HIVEP1: variants seen among roughly 807,000 people sequenced by gnomAD.
HIVEP1 encodes HIVEP zinc finger 1, also known as zinc finger protein 40.
A neutral mutation model predicts 180.0 loss-of-function variants in HIVEP1; 36 were observed. The observed-to-expected ratio is 0.20, with a 90% CI of 0.15 to 0.26. The LOEUF (loss-of-function observed/expected upper bound fraction) is 0.26. HIVEP1 is among the 10% of genes least tolerant of loss of function. The probability of loss-of-function intolerance (pLI) is 1.00; values close to 1 mark genes in which losing one functional copy is unlikely to be tolerated. For missense variants in HIVEP1, 3,143 were observed against 3,268.7 expected, an observed-to-expected ratio of 0.96 and a Z score of 0.94; for synonymous variants, 1,239 against 1,239.0, an observed-to-expected ratio of 1.00 and a Z score of 0.00.
At position 12,140,926 on chromosome 6, in the gene HIVEP1, C is replaced by T. The variant is rs900113811; in HGVS notation, c.6487+5034C>T. On this transcript the variant is annotated intron_variant, in intron 7 of 8. Coordinates refer to ENST00000379388, the MANE Select transcript of HIVEP1 (RefSeq NM_002114.4). ...CCTGAAAGTGACGGGGAGAATGGAA[C>T]CAAGTTGGAAAACACTCTTAGGGAT... Among the ~76,000 whole-genome samples, 28 of 152,254 alleles carry T rather than the reference C, an allele frequency of 1.8e-4. 1 individual carries two copies. Among genetic ancestry groups the T allele is most frequent in the African/African-American group, 6.3e-4 (26 of 41,542 alleles).
intron 7 of HIVEP1, among the ~76,000 whole-genome samples, chr6:12,137,059 G>A (rs1758745188): frequency 1.3e-5 from 2 of 152,114 alleles, no homozygotes; most frequent in Admixed American, 1.3e-4. Context: ...TTTAATCCCT[G>A]TAACACACGA....
At chr6:12,077,917 G>A (rs932424605) in intron 2 of HIVEP1, among the ~76,000 whole-genome samples, 2 of 152,120 alleles carry the variant, frequency 1.3e-5, no homozygotes, top group Middle Eastern at 3.2e-3. Flanking sequence ...GTTTGTATCT[G>A]TAGTAATTTG....
chr6:12,165,492 C>T (rs929932034), downstream of HIVEP1, among the ~76,000 whole-genome samples: 15 of 152,096 alleles, frequency 9.9e-5, no homozygotes, highest in Admixed American at 9.8e-4. Context: ...CCAAGATTAC[C>T]GAAGAGCCAA....
At chr6:12,160,860 A>G (rs979039504) in intron 7 of HIVEP1, among the ~76,000 whole-genome samples, 2 of 152,226 alleles carry the variant, frequency 1.3e-5, no homozygotes, top group Non-Finnish European at 2.9e-5. Flanking sequence ...TTGCTGTCTC[A>G]TCTTAATGCC....
At chr6:12,074,650 G>A (rs1012167223) in intron 2 of HIVEP1, among the ~76,000 whole-genome samples, 3 of 151,686 alleles carry the variant, frequency 2.0e-5, no homozygotes, top group African/African-American at 4.8e-5. Context: ...GTGTGCGCGC[G>A]CGTGCATGTC....
intron 6 of HIVEP1, among the ~76,000 whole-genome samples, chr6:12,131,633 ACTT>A (rs1758422095): frequency 6.6e-6 from 1 of 151,876 alleles, no homozygotes; most frequent in Admixed American, 6.6e-5. Flanking sequence ...TAGGTATACT[ACTT>A]TAAATGTTTG....
chr6:12,040,715 G>A (rs1180037603), intron 2 of HIVEP1, among the ~76,000 whole-genome samples: 1 of 152,190 alleles, frequency 6.6e-6, no homozygotes, highest in African/African-American at 2.4e-5. Context: ...CTGAGACTGA[G>A]TAATTTCTAA....
chr6:12,135,924 CT>C, intron 7 of HIVEP1, 32 bp downstream of exon 7: 1 of 1,399,490 alleles, frequency 7.1e-7, no homozygotes, highest in Non-Finnish European at 1.0e-6. Flanking sequence ...TTCATAAATG[CT>C]ATTTATAATG....
Position 12,064,000 on chromosome 6 carries a change from G to A in HIVEP1, c.41-25184G>A, listed in dbSNP as rs1349058698. ...AATGAGAGACCTCAGATTTTGGCAA[G>A]GAACATGCCTTGGTATAATATATAA... is the stretch of plus-strand genomic sequence containing the variant. On this transcript the variant is annotated intron_variant, in intron 2 of 8. Coordinates refer to ENST00000379388, the MANE Select transcript of HIVEP1 (RefSeq NM_002114.4). This position sits in a 1 kb window ranked among gnomAD's most constrained non-coding sequence, Gnocchi z 4.2. Among the ~76,000 whole-genome samples, 3 of 152,152 alleles carry A rather than the reference G, an allele frequency of 2.0e-5. No homozygotes were observed. The highest frequency in any genetic ancestry group is 2.9e-5 in the Non-Finnish European group (2 of 68,034).
intron 7 of HIVEP1, among the ~76,000 whole-genome samples, chr6:12,141,259 C>G (rs143478967): frequency 6.6e-6 from 1 of 151,980 alleles, no homozygotes; most frequent in African/African-American, 2.4e-5. Flanking sequence ...AATTTCATAT[C>G]TAGCCAAACT....
In HIVEP1 at chr6:12,130,444, G is replaced by A. The variant is rs1226361951; in HGVS notation, c.6210-323G>A. ...TCCCAGCTGTTCGGGAGGCTGAGGCGGGAGGATCATGTGAGCCCGGGAGGT... is the reference window on the plus strand; with the variant it reads ...TCCCAGCTGTTCGGGAGGCTGAGGCAGGAGGATCATGTGAGCCCGGGAGGT... On this transcript the variant is annotated intron_variant, in intron 5 of 8. Transcript: ENST00000379388. Among the ~76,000 whole-genome samples, 13 of 152,220 alleles carry A rather than the reference G, an allele frequency of 8.5e-5. 2 individuals carry two copies. The South Asian group carries it at 1.2e-3, about 15-fold the overall frequency.
the HIVEP1 span, among the ~76,000 whole-genome samples, chr6:12,187,011 A>G: frequency 0.011 from 1,690 of 152,298 alleles, 38 homozygotes; most frequent in African/African-American, 0.039. Flanking sequence ...TGAATAGCAG[A>G]TTGAAACATG....
chr6:12,186,673 A>G, the HIVEP1 span, among the ~76,000 whole-genome samples: 1 of 152,296 alleles, frequency 6.6e-6, no homozygotes, highest in African/African-American at 2.4e-5. Context: ...AAAGGCAACA[A>G]AATCCAAACT....
chr6:12,067,566 C>T (rs984081348), intron 2 of HIVEP1, among the ~76,000 whole-genome samples: 5 of 151,976 alleles, frequency 3.3e-5, no homozygotes, highest in East Asian at 1.9e-4. Flanking sequence ...TTTGAGTAGG[C>T]GCCAATGGCG....
intron 3 of HIVEP1, among the ~76,000 whole-genome samples, chr6:12,090,368 G>C (rs1298493703): frequency 6.6e-6 from 1 of 152,112 alleles, no homozygotes; most frequent in African/African-American, 2.4e-5. Context: ...TTTAAATCTA[G>C]TTAGACTACT....
rs1361717034 is a variant in HIVEP1, at chr6:12,089,165, T to G, written c.41-19T>G. The G allele has an allele frequency of 7.2e-7, 1 of 1,381,312 alleles. No individual in the cohort carries two copies. The highest frequency in any genetic ancestry group is 1.0e-6 in the Non-Finnish European group (1 of 977,334). 85.6% of individuals were successfully genotyped at this position (1,381,312 alleles called of 1,614,324 possible). A position where few individuals can be genotyped will look rare whatever the true frequency, so the allele number is the denominator to read the frequency against. On this transcript the variant is annotated intron_variant, in intron 2 of 8. Transcript: ENST00000379388. Reference sequence around the variant, plus strand: ...GTTTAAGGTAAATTAATTTATAAATTTTTCTCTGTTTTTCTTAGACAAAAT... The same window carrying G: ...GTTTAAGGTAAATTAATTTATAAATGTTTCTCTGTTTTTCTTAGACAAAAT...
chr6:12,161,326 G>A, intron 7 of HIVEP1, 113 bp from the exon 8 acceptor site: 3 of 998,854 alleles, frequency 3.0e-6, no homozygotes, highest in African/African-American at 1.6e-5. Context: ...TGTGGGCAGG[G>A]TCCTTGTCTT....
chr6:12,064,007 G>A (rs1771402565), intron 2 of HIVEP1, among the ~76,000 whole-genome samples: 1 of 152,168 alleles, frequency 6.6e-6, no homozygotes, highest in Admixed American at 6.6e-5. Flanking sequence ...CAAGGAACAT[G>A]CCTTGGTATA....
At chr6:12,168,104 T>TATAC (rs1387190902), downstream of HIVEP1, among the ~76,000 whole-genome samples, 1 of 35,632 alleles carries the variant, frequency 2.8e-5, no homozygotes, top group African/African-American at 6.8e-5. Flanking sequence ...CATACACGTA[T>TATAC]ATATGTATAT....
Sources: gnomAD v4.1 joint callset for allele counts (sites outside exome capture counted in the v4.1 genomes callset) on GRCh38, gnomAD v4.1.1 for gene constraint, Gnocchi (gnomAD v3.1) non-coding constraint, MANE v1.5 for transcripts, NCBI Gene and HGNC (gene_info 2026-07-23, HGNC 2026-07-21) for gene names.